Variants in ZMAT5 observed in about 807,000 individuals in gnomAD.
ZMAT5 encodes zinc finger matrin-type 5.
ZMAT5 carries 23 observed loss-of-function variants against 28.0 expected under a neutral mutation model. The ratio of observed to expected loss-of-function variants is 0.82; its 90% CI spans 0.59 to 1.16. The LOEUF (loss-of-function observed/expected upper bound fraction) is 1.16, where lower values mean the gene tolerates loss of function less well. Among genes scored for constraint, ZMAT5 ranks in the 50% most tolerant of loss-of-function variants. The pLI, the probability that ZMAT5 is intolerant of heterozygous loss-of-function variation, is 0.00. For missense variants in ZMAT5, 173 were observed against 212.7 expected (o/e 0.81, Z 1.16); for synonymous variants, 76 against 84.1 (o/e 0.90, Z 0.52).
At position 29,742,280 on chromosome 22, in the gene ZMAT5, C is replaced by T. The variant is rs940716145; in HGVS notation, c.190+138G>A. 7.8e-6 allele frequency: 6 copies of T among 767,528 alleles called. No individual in the cohort carries two copies. The African/African-American group carries it at 1.0e-4, about 13-fold the overall frequency. The allele number at this position is 767,528 out of a possible 1,614,324, so 47.5% of individuals were successfully genotyped here. On this transcript the variant is annotated intron_variant, in intron 3 of 5. Transcript: ENST00000344318. ...CACACTTGGGAAGGCCCTGACTGGC[C>T]AGTCAGCTGGAGCCACTGCTGCAAA...
chr22:29,758,772 C>T (rs1423387388), intron 1 of ZMAT5: 1 of 152,478 alleles, frequency 6.6e-6, no homozygotes, highest in African/African-American at 2.4e-5. Flanking sequence ...AGTCCAAGTG[C>T]AGCAGTGTTG....
intron 1 of ZMAT5, among the ~76,000 whole-genome samples, chr22:29,765,308 A>C (rs113610976): frequency 0.059 from 9,012 of 151,886 alleles, 885 homozygotes; most frequent in African/African-American, 0.21. Flanking sequence ...AATCCCAGCT[A>C]TTCAGTAGGC....
chr22:29,741,277 T>C (rs907693962), intron 3 of ZMAT5, among the ~76,000 whole-genome samples: 3 of 152,220 alleles, frequency 2.0e-5, no homozygotes, highest in African/African-American at 7.2e-5. Context: ...TATGTCGAGA[T>C]ACTGGGAGGC....
At chr22:29,748,893 C>T (rs1300401313) in intron 1 of ZMAT5, among the ~76,000 whole-genome samples, 1 of 152,164 alleles carries the variant, frequency 6.6e-6, no homozygotes. Flanking sequence ...CTCACTGCAG[C>T]CCCCACCTCC....
chr22:29,735,688 C>G (rs1046048128), intron 5 of ZMAT5, among the ~76,000 whole-genome samples: 1 of 152,156 alleles, frequency 6.6e-6, no homozygotes, highest in Admixed American at 6.5e-5. Flanking sequence ...TCCTCAGATG[C>G]AAAATGGGGG....
chr22:29,734,040 C>T (rs2067880090), intron 5 of ZMAT5, among the ~76,000 whole-genome samples: 1 of 152,220 alleles, frequency 6.6e-6, no homozygotes, highest in Non-Finnish European at 1.5e-5. Flanking sequence ...TCAGAGGAAA[C>T]AGAGTCGAGG....
intron 2 of ZMAT5, among the ~76,000 whole-genome samples, chr22:29,745,362 G>A (rs1261722487): frequency 2.0e-5 from 3 of 152,194 alleles, no homozygotes; most frequent in Middle Eastern, 3.2e-3. Flanking sequence ...GGAAGGGAGA[G>A]GCCGGCAGGT....
At chr22:29,737,003 G>A (rs1250333706) in intron 5 of ZMAT5, among the ~76,000 whole-genome samples, 3 of 149,956 alleles carry the variant, frequency 2.0e-5, no homozygotes, top group Non-Finnish European at 4.4e-5. Flanking sequence ...TCCAGCCTGG[G>A]CGGTAGAGCA....
chr22:29,738,542 C>T (rs1412257655), intron 4 of ZMAT5, 101 bp from the exon 5 acceptor site: 2 of 1,061,670 alleles, frequency 1.9e-6, no homozygotes, highest in Non-Finnish European at 2.7e-6. Flanking sequence ...CCTGAGCAAG[C>T]CTGGGAAGTT....
intron 1 of ZMAT5, among the ~76,000 whole-genome samples, chr22:29,754,665 G>A (rs559270393): frequency 1.3e-5 from 2 of 152,228 alleles, no homozygotes; most frequent in Non-Finnish European, 2.9e-5. Flanking sequence ...GAGCCCAGGA[G>A]CTCGAGACCA....
chr22:29,756,714 G>C (rs550817633), intron 1 of ZMAT5, among the ~76,000 whole-genome samples: 2 of 151,778 alleles, frequency 1.3e-5, no homozygotes, highest in South Asian at 4.2e-4. Flanking sequence ...TTTGAGACCA[G>C]CCTGGGCAAC....
rs571409462 is a variant in ZMAT5 at position 29,745,445 on chromosome 22, G to A, written c.128-2965C>T. Among the ~76,000 whole-genome samples the A allele has an allele frequency of 3.3e-5, 5 of 152,352 alleles. No individual in the cohort carries two copies. The South Asian group carries it at 1.0e-3, about 32-fold the overall frequency. ...TAATTGGGCGCAAGCTCGCTAGGCAGAGGGGCCCTATTTTATCCACCTTTG... is the reference window on the plus strand; with the variant it reads ...TAATTGGGCGCAAGCTCGCTAGGCAAAGGGGCCCTATTTTATCCACCTTTG... On this transcript the variant is annotated intron_variant, in intron 2 of 5. Transcript: ENST00000344318.
chr22:29,754,011 C>A (rs1223955496), intron 1 of ZMAT5, among the ~76,000 whole-genome samples: 6 of 152,076 alleles, frequency 3.9e-5, no homozygotes, highest in Non-Finnish European at 8.8e-5. Context: ...AGAATGCCGG[C>A]TGGAGTTCAG....
At chr22:29,738,255 G>T in intron 5 of ZMAT5, 75 bp downstream of exon 5, 1 of 1,368,538 alleles carries the variant, frequency 7.3e-7, no homozygotes, top group Non-Finnish European at 1.0e-6. Context: ...AGATTCCTGA[G>T]CCTCAGGAAG....
intron 2 of ZMAT5, 134 bp downstream of exon 2, chr22:29,748,284 G>A (rs2068026501): frequency 1.5e-6 from 2 of 1,325,386 alleles, no homozygotes; most frequent in South Asian, 1.2e-5. Flanking sequence ...AGGGCCCAGT[G>A]GCTCAGGCCT....
intron 1 of ZMAT5, among the ~76,000 whole-genome samples, chr22:29,765,013 T>A (rs1391456464): frequency 6.6e-6 from 1 of 152,188 alleles, no homozygotes; most frequent in African/African-American, 2.4e-5. Flanking sequence ...TACAGATCCA[T>A]GTCCTCATTT....
chr22:29,756,311 G>A (rs2068100706), intron 1 of ZMAT5, among the ~76,000 whole-genome samples: 1 of 152,190 alleles, frequency 6.6e-6, no homozygotes, highest in Non-Finnish European at 1.5e-5. Flanking sequence ...ACCCTGTGGG[G>A]GTGGTCTGCA....
At position 29,748,589 on chromosome 22, in the gene ZMAT5, G is replaced by A. The variant is rs751079704; in HGVS notation, c.-27-18C>T. The A allele has an allele frequency of 6.2e-7, 1 of 1,612,576 alleles. No homozygotes were observed. The highest frequency in any genetic ancestry group is 1.3e-5 in the African/African-American group (1 of 75,030). Reference sequence around the variant, plus strand: ...TTTGCTGCCTGGGAAGCCACAAAGAGCTCAGATTAGACCATTGGAGAAAAC... The same window carrying A: ...TTTGCTGCCTGGGAAGCCACAAAGAACTCAGATTAGACCATTGGAGAAAAC... On this transcript the variant is annotated intron_variant, in intron 1 of 5. Transcript: ENST00000344318.
chr22:29,753,548 G>C (rs2068073173), intron 1 of ZMAT5, among the ~76,000 whole-genome samples: 1 of 151,750 alleles, frequency 6.6e-6, no homozygotes, highest in Non-Finnish European at 1.5e-5. Context: ...AAATTGCCGG[G>C]TGTGGTGGCG....
Sources: gnomAD v4.1 joint callset for allele counts (sites outside exome capture counted in the v4.1 genomes callset) on GRCh38, gnomAD v4.1.1 for gene constraint, MANE v1.5 for transcripts, NCBI Gene and HGNC (gene_info 2026-07-23, HGNC 2026-07-21) for gene names.